The following SLAMF1 variants were observed in gnomAD, a reference collection of about 807,000 sequenced individuals.
The protein encoded by SLAMF1 is signaling lymphocytic activation molecule.
A neutral mutation model predicts 35.1 loss-of-function variants in SLAMF1; 18 were observed. The ratio of observed to expected loss-of-function variants is 0.51; its 90% CI spans 0.35 to 0.76. The LOEUF is 0.76. Ranked by LOEUF, SLAMF1 falls within the 30% of genes least tolerant of loss-of-function variation. The pLI is 0.01. For missense variants in SLAMF1, 392 were observed against 413.0 expected (o/e 0.95, Z 0.44); for synonymous variants, 168 against 157.2 (o/e 1.07, Z -0.51).
At chr1:160,636,800 T>G (rs562904403) in intron 2 of SLAMF1, among the ~76,000 whole-genome samples, 5 of 152,236 alleles carry the variant, frequency 3.3e-5, no homozygotes, top group Non-Finnish European at 7.3e-5. Context: ...TAGATTTCAC[T>G]GTCCTCATGT....
At chr1:160,621,085 T>C (rs183124217) in intron 4 of SLAMF1, among the ~76,000 whole-genome samples, 1 of 152,292 alleles carries the variant, frequency 6.6e-6, no homozygotes, top group East Asian at 1.9e-4. Flanking sequence ...TCATTCTTTC[T>C]AAAGTTGCAC....
chr1:160,629,301 G>GTC (rs1356968753), intron 3 of SLAMF1, among the ~76,000 whole-genome samples: 1 of 134,832 alleles, frequency 7.4e-6, no homozygotes, highest in Non-Finnish European at 1.7e-5. Flanking sequence ...ACACAGAAGC[G>GTC]TGTCTCTCTC....
At position 160,612,512 on chromosome 1, in the gene SLAMF1, T is replaced by C; in HGVS notation, c.933A>G (p.Thr311=). 6.2e-7 allele frequency: 1 copy of C among 1,612,462 alleles called. No homozygotes were observed. The highest frequency in any genetic ancestry group is 2.2e-5 in the East Asian group (1 of 44,820). The part of the protein sequence containing the change: ...DPCTTIYVAA[T]EPVPESVQET... The stretch of plus-strand genomic sequence containing the variant: ...CCTGGACAGACTCTGGGACAGGCTC[T>C]GTGGCAGCAACATATATGGTGGTGC... Residue 311 remains threonine (T), a synonymous_variant, in exon 6 of 7, where the codon ACA becomes ACG. Coordinates refer to ENST00000302035, the MANE Select transcript of SLAMF1 (RefSeq NM_003037.5).
In SLAMF1 at chr1:160,626,256, C is replaced by T. The variant is rs181550640; in HGVS notation, c.701-2071G>A. Among the ~76,000 whole-genome samples the T allele has an allele frequency of 5.9e-5, 9 of 152,294 alleles. No homozygotes were observed. In the East Asian group the frequency reaches 1.5e-3, roughly 26 times the overall value. On this transcript the variant is annotated intron_variant, in intron 3 of 6. Transcript: ENST00000302035. ...CACCAGTAATGCCTGGTGAGTCAGC[C>T]TCCTCTCCCTCGCGCCCGACGCCGG...
At chr1:160,640,247 A>C (rs1660666477) in intron 1 of SLAMF1, among the ~76,000 whole-genome samples, 1 of 150,048 alleles carries the variant, frequency 6.7e-6, no homozygotes, top group African/African-American at 2.4e-5. Context: ...GAGGCATTTA[A>C]TAAATATCTG....
rs750215625 is a variant in SLAMF1 at position 160,637,371 on chromosome 1, C to A, written c.235G>T (p.Val79Leu). 3.1e-6 allele frequency: 5 copies of A among 1,614,184 alleles called. No homozygotes were observed. In the African/African-American group the frequency reaches 5.3e-5, roughly 17 times the overall value. Residue 79 changes from valine (V) to leucine (L), a missense_variant, in exon 2 of 7, where the codon GTG becomes TTG. Coordinates refer to ENST00000302035, the MANE Select transcript of SLAMF1 (RefSeq NM_003037.5). ...CCTGCTTCGGATGGATCAAGAGACA[C>A]TATTTTGTTCTCGACACTGTTCTCC... ...SLENSVENKI[V>L]SLDPSEAGPP...
In SLAMF1 at chr1:160,642,264, T is replaced by C. The variant is rs1330104251; in HGVS notation, c.76+4606A>G. On this transcript the variant is annotated intron_variant, in intron 1 of 6. Coordinates refer to ENST00000302035, the MANE Select transcript of SLAMF1 (RefSeq NM_003037.5). This position sits in a 1 kb window ranked among gnomAD's most constrained non-coding sequence, Gnocchi z 4.2. Reference sequence around the variant, plus strand: ...TGCTGGGTCTTTCTATCTTAGACTATTAGTATGTACGTTCCCTAGCCTTAG... The same window carrying C: ...TGCTGGGTCTTTCTATCTTAGACTACTAGTATGTACGTTCCCTAGCCTTAG... Among the ~76,000 whole-genome samples the C allele has an allele frequency of 6.6e-6, 1 of 152,234 alleles. No homozygotes were observed. The highest frequency in any genetic ancestry group is 2.4e-5 in the African/African-American group (1 of 41,460).
intron 1 of SLAMF1, 47 bp downstream of exon 1, chr1:160,646,823 C>G (rs1661061620): frequency 7.6e-6 from 8 of 1,053,200 alleles, no homozygotes; most frequent in Non-Finnish European, 1.0e-5. Context: ...ACGCTGATTC[C>G]TGGCAGCTAA....
At position 160,647,000 on chromosome 1, in the gene SLAMF1, A is replaced by T. The variant is rs528023857; in HGVS notation, c.-55T>A. On this transcript the variant is annotated 5_prime_UTR_variant, in exon 1 of 7. Coordinates refer to ENST00000302035, the MANE Select transcript of SLAMF1 (RefSeq NM_003037.5). ...GCCGGAGCCTGGCAGCTGCTCACAG[A>T]TGCCAGGCAGAAGCAAGCTTCGTGT... The T allele has an allele frequency of 1.0e-4, 94 of 900,824 alleles. No homozygotes were observed. Among genetic ancestry groups the T allele is most frequent in the East Asian group, 1.0e-3 (42 of 40,464 alleles). 55.8% of individuals were successfully genotyped at this position (900,824 alleles called of 1,614,324 possible). A position where few individuals can be genotyped will look rare whatever the true frequency, so the allele number is the denominator to read the frequency against.
chr1:160,625,813 C>A (rs534833274), intron 3 of SLAMF1, among the ~76,000 whole-genome samples: 1 of 149,152 alleles, frequency 6.7e-6, no homozygotes, highest in African/African-American at 2.5e-5. Context: ...ACTGAGAACC[C>A]TCTGTGCAGG....
chr1:160,615,688 G>A (rs1004740642), intron 5 of SLAMF1: 1 of 293,782 alleles, frequency 3.4e-6, no homozygotes, highest in Non-Finnish European at 6.8e-6. Context: ...TTGAATAAAG[G>A]TCTTCACAGA....
intron 3 of SLAMF1, among the ~76,000 whole-genome samples, chr1:160,627,789 G>T (rs185404603): frequency 1.8e-4 from 28 of 152,122 alleles, no homozygotes; most frequent in African/African-American, 6.8e-4. Context: ...TGCTTCCTTG[G>T]GTGCAAGGTT....
At chr1:160,615,899 G>C (rs1252876647) in intron 5 of SLAMF1, 1 of 164,918 alleles carries the variant, frequency 6.1e-6, no homozygotes, top group Non-Finnish European at 1.3e-5. Context: ...GCTGGAAGAG[G>C]CAAAGAGGAT....
intron 2 of SLAMF1, among the ~76,000 whole-genome samples, chr1:160,635,410 T>G (rs1660394930): frequency 1.3e-5 from 2 of 152,222 alleles, no homozygotes; most frequent in South Asian, 4.1e-4. Context: ...TAGTAAGTGC[T>G]TTTGTGTGTC....
chr1:160,613,820 G>A (rs946772836), intron 5 of SLAMF1, among the ~76,000 whole-genome samples: 2 of 152,212 alleles, frequency 1.3e-5, no homozygotes, highest in African/African-American at 4.8e-5. Context: ...TAGGATTTGG[G>A]GAAAATATTT....
intron 3 of SLAMF1, among the ~76,000 whole-genome samples, chr1:160,626,633 G>A (rs1659895169): frequency 6.6e-6 from 1 of 152,146 alleles, no homozygotes; most frequent in East Asian, 1.9e-4. Context: ...AGTATCCAGA[G>A]TCATAGAAAA....
Position 160,634,831 on chromosome 1 carries a change from A to G in SLAMF1, c.482T>C (p.Ile161Thr), listed in dbSNP as rs2102337349. ...KTQENGTCTL[I>T]LGCTVEKGDH... is the part of the protein sequence containing the mutation. ...CCCCTTCTCCACTGTGCAGCCCAGTATCAAGGTGCAGGTCCCGTTCTCCTG... is the reference window on the plus strand; with the variant it reads ...CCCCTTCTCCACTGTGCAGCCCAGTGTCAAGGTGCAGGTCCCGTTCTCCTG... Residue 161 changes from isoleucine (I) to threonine (T), a missense_variant, in exon 3 of 7, where the codon ATA becomes ACA. Transcript: ENST00000302035. The G allele has an allele frequency of 6.2e-7, 1 of 1,614,152 alleles. No individual in the cohort carries two copies. Among genetic ancestry groups the G allele is most frequent in the East Asian group, 2.2e-5 (1 of 44,874 alleles).
chr1:160,624,723 GAAAGT>G (rs1382885012), intron 3 of SLAMF1, among the ~76,000 whole-genome samples: 8 of 152,182 alleles, frequency 5.3e-5, no homozygotes, highest in Non-Finnish European at 7.3e-5. Flanking sequence ...GAACTGAAAG[GAAAGT>G]ATTTAGTCTT....
chr1:160,610,700 T>C lies in SLAMF1; in HGVS notation c.*48A>G, dbSNP rs1557999552. The C allele has an allele frequency of 2.1e-6, 3 of 1,447,406 alleles. No individual in the cohort carries two copies. The highest frequency in any genetic ancestry group is 1.4e-5 in the African/African-American group (1 of 71,764). The allele number at this position is 1,447,406 out of a possible 1,614,324, so 89.7% of individuals were successfully genotyped here. On this transcript the variant is annotated 3_prime_UTR_variant, in exon 7 of 7. Coordinates refer to ENST00000302035, the MANE Select transcript of SLAMF1 (RefSeq NM_003037.5). ...CCTGTGGCCAAGTTCAGTGTTCATT[T>C]TGGTTTTTCCATTTTCCTTCAGAAA...
Sources: allele counts gnomAD v4.1 joint callset (sites outside exome capture counted in the v4.1 genomes callset), GRCh38; gene constraint gnomAD v4.1.1; non-coding constraint Gnocchi (gnomAD v3.1); transcripts MANE v1.5; gene names NCBI Gene and HGNC (gene_info 2026-07-23, HGNC 2026-07-21).